Variants in C4BPA observed in about 807,000 individuals in gnomAD.
The protein encoded by C4BPA is C4b-binding protein alpha chain.
Under a neutral mutation model 63.7 loss-of-function variants are expected in C4BPA, and 31 were observed. The ratio of observed to expected loss-of-function variants is 0.49; its 90% CI spans 0.37 to 0.66. The LOEUF is 0.66. Among genes scored for constraint, C4BPA ranks in the 30% least tolerant of loss-of-function variants. C4BPA has a pLI of 0.00. For synonymous variants in C4BPA, 259 were observed against 254.7 expected (o/e 1.02, Z -0.16); for missense variants, 572 against 723.3 (o/e 0.79, Z 2.40).
intron 8 of C4BPA, among the ~76,000 whole-genome samples, chr1:207,134,076 G>C (rs955798944): frequency 3.3e-5 from 5 of 151,980 alleles, no homozygotes; most frequent in Non-Finnish European, 5.9e-5. Context: ...TCAAACTCCT[G>C]GGCTCAAGCA....
At position 207,113,179 on chromosome 1, in the gene C4BPA, GA is replaced by G; in HGVS notation, c.142+15del. The G allele has an allele frequency of 6.2e-7, 1 of 1,603,256 alleles. No homozygotes were observed. On this transcript the variant is annotated intron_variant, in intron 2 of 11. Coordinates refer to ENST00000367070, the MANE Select transcript of C4BPA (RefSeq NM_000715.4). ...GCCTGCTGTTCTTGGTGAGTAGTGGGAAACAAGCTCAAATCAGCAACAAACA... is the reference window on the plus strand; with the variant it reads ...GCCTGCTGTTCTTGGTGAGTAGTGGGAACAAGCTCAAATCAGCAACAAACA...
intron 4 of C4BPA, among the ~76,000 whole-genome samples, chr1:207,116,006 A>G (rs997676389): frequency 6.6e-6 from 1 of 152,166 alleles, no homozygotes; most frequent in Non-Finnish European, 1.5e-5. Context: ...TATGTGTGTC[A>G]TTTTATACAT....
At chr1:207,111,490 A>G (rs756692938) in intron 1 of C4BPA, among the ~76,000 whole-genome samples, 15 of 152,204 alleles carry the variant, frequency 9.9e-5, no homozygotes, top group Non-Finnish European at 1.8e-4. Context: ...CTTCATCAGA[A>G]CTAAGTTTTA....
chr1:207,141,366 G>T, intron 10 of C4BPA, 90 bp downstream of exon 10: 1 of 971,404 alleles, frequency 1.0e-6, no homozygotes, highest in Non-Finnish European at 1.5e-6. Context: ...GTCAGAGGCA[G>T]CATGAAAACA....
At chr1:207,123,679 G>A (rs956662095) in intron 4 of C4BPA, among the ~76,000 whole-genome samples, 1 of 152,164 alleles carries the variant, frequency 6.6e-6, no homozygotes, top group African/African-American at 2.4e-5. Context: ...TGGATGAACT[G>A]CATTCCTGAT....
rs556751822 is a variant in C4BPA, at chr1:207,131,669, C to T, written c.1013C>T (p.Pro338Leu). 1 of 1,613,812 alleles carries T rather than the reference C, an allele frequency of 6.2e-7. No individual in the cohort carries two copies. Among genetic ancestry groups the T allele is most frequent in the African/African-American group, 1.3e-5 (1 of 74,884 alleles). Residue 338 changes from proline to leucine, a missense_variant, in exon 8 of 12, where the codon CCC becomes CTC. Pro to Leu is a moderately conservative substitution (Grantham distance 98). Coordinates refer to ENST00000367070, the MANE Select transcript of C4BPA (RefSeq NM_000715.4). ...LRYRCHPGYK[P>L]TTDEPTTVIC... The stretch of plus-strand genomic sequence containing the variant: ...TACCGCTGTCATCCTGGCTACAAAC[C>T]CACTACAGATGAGCCTACGACTGTG...
intron 2 of C4BPA, 143 bp from the exon 3 acceptor site, chr1:207,113,957 G>A: frequency 1.5e-6 from 1 of 648,950 alleles, no homozygotes; most frequent in South Asian, 2.0e-5. Context: ...TGAACAGAGA[G>A]TATAATAGGA....
At chr1:207,118,613 C>T (rs1684863021) in intron 4 of C4BPA, among the ~76,000 whole-genome samples, 1 of 152,154 alleles carries the variant, frequency 6.6e-6, no homozygotes, top group African/African-American at 2.4e-5. Context: ...CCACTACATT[C>T]CTCCCATGAC....
chr1:207,107,545 T>C (rs1684585449), intron 1 of C4BPA, among the ~76,000 whole-genome samples: 1 of 152,194 alleles, frequency 6.6e-6, no homozygotes, highest in Non-Finnish European at 1.5e-5. Flanking sequence ...AGTGAGACCC[T>C]GTCTCAAAAA....
intron 7 of C4BPA, among the ~76,000 whole-genome samples, chr1:207,130,143 A>T (rs1685129786): frequency 6.6e-6 from 1 of 152,172 alleles, no homozygotes; most frequent in African/African-American, 2.4e-5. Flanking sequence ...GCTGATGCTC[A>T]TTGTTTTACT....
chr1:207,127,093 A>G (rs1261799505), intron 7 of C4BPA, 198 bp downstream of exon 7: 3 of 442,834 alleles, frequency 6.8e-6, no homozygotes, highest in Non-Finnish European at 1.2e-5. Flanking sequence ...ATATTGTCAC[A>G]CAAAACTGCC....
chr1:207,136,285 A>T (rs977608175), intron 9 of C4BPA, among the ~76,000 whole-genome samples: 1 of 152,220 alleles, frequency 6.6e-6, no homozygotes, highest in Admixed American at 6.5e-5. Context: ...AGCACCCATG[A>T]GGCCAATAAC....
intron 6 of C4BPA, among the ~76,000 whole-genome samples, chr1:207,124,620 T>G (rs1684996583): frequency 6.6e-6 from 1 of 152,172 alleles, no homozygotes. Flanking sequence ...ACTGGTTTGG[T>G]GAAGTAAAAG....
chr1:207,118,000 T>G (rs1220180263), intron 4 of C4BPA, among the ~76,000 whole-genome samples: 2 of 152,198 alleles, frequency 1.3e-5, no homozygotes, highest in East Asian at 3.8e-4. Flanking sequence ...TCAGCTTTCC[T>G]CACATAGATT....
chr1:207,108,162 TCTAA>T (rs1265928400), intron 1 of C4BPA, among the ~76,000 whole-genome samples: 1 of 152,174 alleles, frequency 6.6e-6, no homozygotes, highest in Non-Finnish European at 1.5e-5. Flanking sequence ...AAATGAGAAA[TCTAA>T]CAGAGTCAAA....
intron 9 of C4BPA, among the ~76,000 whole-genome samples, chr1:207,135,875 ACACACCT>A: frequency 6.6e-6 from 1 of 152,274 alleles, no homozygotes; most frequent in Admixed American, 6.5e-5. Context: ...GGTCCCAACA[ACACACCT>A]TCTTTGCTGT....
chr1:207,133,696 G>C (rs1019288389), intron 8 of C4BPA, among the ~76,000 whole-genome samples: 1 of 152,190 alleles, frequency 6.6e-6, no homozygotes, highest in Admixed American at 6.5e-5. Context: ...CCAGGAGTTT[G>C]AGACTGTAGT....
chr1:207,131,561 T>C lies in C4BPA; in HGVS notation c.905T>C (p.Leu302Ser). The C allele has an allele frequency of 6.2e-7, 1 of 1,609,546 alleles. No individual in the cohort carries two copies. Among genetic ancestry groups the C allele is most frequent in the Non-Finnish European group, 8.5e-7 (1 of 1,176,520 alleles). Residue 302 changes from leucine to serine, a missense_variant, in exon 8 of 12, where the codon TTA becomes TCA. Around this residue, in one of 2 missense-constraint regions of C4BPA, gnomAD observed 465 missense variants for 629.4 expected, o/e 0.74. Transcript: ENST00000367070. ...PACEPNSCIN[L>S]PDIPHASWET... is the part of the protein sequence containing the mutation. Reference sequence around the variant, plus strand: ...TCATGAGTAGATAGTTGTATTAATTTACCAGACATTCCACATGCTTCCTGG... The same window carrying C: ...TCATGAGTAGATAGTTGTATTAATTCACCAGACATTCCACATGCTTCCTGG...
At chr1:207,126,947 G>A (rs369602847) in intron 7 of C4BPA, 52 bp downstream of exon 7, 82 of 1,421,444 alleles carry the variant, frequency 5.8e-5, no homozygotes, top group Non-Finnish European at 6.7e-5. Context: ...AAGGTACCCC[G>A]TACTGTTAAT....
Sources: allele counts gnomAD v4.1 joint callset (sites outside exome capture counted in the v4.1 genomes callset), GRCh38; gene constraint gnomAD v4.1.1; regional missense constraint gnomAD v4.1.1; transcripts MANE v1.5; gene names NCBI Gene and HGNC (gene_info 2026-07-23, HGNC 2026-07-21).